The following HMGB1 variants were observed in gnomAD, a reference collection of about 807,000 sequenced individuals.
HMGB1 encodes the protein high mobility group box 1.
For missense variants in HMGB1, 79 were observed against 253.5 expected (o/e 0.31, Z 4.67); for synonymous variants, 81 against 84.0 (o/e 0.96, Z 0.19).
intron 1 of HMGB1, among the ~76,000 whole-genome samples, chr13:30,506,743 TG>T (rs1312506985): frequency 2.0e-5 from 3 of 152,164 alleles, no homozygotes; most frequent in Admixed American, 6.6e-5. Flanking sequence ...AAAGTGCCAG[TG>T]ACACACATCT....
intron 1 of HMGB1, among the ~76,000 whole-genome samples, chr13:30,507,943 G>T (rs1887905321): frequency 6.6e-6 from 1 of 152,158 alleles, no homozygotes; most frequent in South Asian, 2.1e-4. Context: ...GCTGCAGCGA[G>T]CTATGACGGC....
intron 1 of HMGB1, among the ~76,000 whole-genome samples, chr13:30,503,218 C>A (rs1261694501): frequency 6.6e-6 from 1 of 151,942 alleles, no homozygotes; most frequent in Non-Finnish European, 1.5e-5. Context: ...GTGCCACATG[C>A]CTGTAGTGCC....
intron 1 of HMGB1, among the ~76,000 whole-genome samples, chr13:30,560,862 A>G (rs1007291859): frequency 5.9e-5 from 9 of 152,128 alleles, no homozygotes; most frequent in African/African-American, 2.2e-4. Flanking sequence ...TGGGTTGAAG[A>G]GCGATGGACA....
chr13:30,549,484 G>A (rs564290176), intron 1 of HMGB1, among the ~76,000 whole-genome samples: 7 of 152,314 alleles, frequency 4.6e-5, no homozygotes, highest in African/African-American at 1.7e-4. Context: ...TTGGGCTCAA[G>A]TGGTCCTCCT....
chr13:30,496,411 CT>C (rs913392934), intron 1 of HMGB1, among the ~76,000 whole-genome samples: 3 of 152,230 alleles, frequency 2.0e-5, no homozygotes, highest in South Asian at 2.1e-4. Flanking sequence ...AGTTCTACCC[CT>C]GATAGCTATG....
At chr13:30,538,684 C>CTTTCCTTT (rs1467006811) in intron 1 of HMGB1, among the ~76,000 whole-genome samples, 7 of 9,796 alleles carry the variant, frequency 7.1e-4, no homozygotes, top group Admixed American at 1.4e-3. Flanking sequence ...TTCTTTCTTT[C>CTTTCCTTT]CTTTCTTTCT....
At chr13:30,477,772 A>G (rs1887131631) in intron 1 of HMGB1, among the ~76,000 whole-genome samples, 1 of 152,208 alleles carries the variant, frequency 6.6e-6, no homozygotes, top group Admixed American at 6.5e-5. Flanking sequence ...CAGGCTGGAA[A>G]TGCAGAAGTC....
intron 1 of HMGB1, among the ~76,000 whole-genome samples, chr13:30,571,496 A>G (rs147384798): frequency 0.019 from 2,827 of 152,174 alleles, 99 homozygotes; most frequent in African/African-American, 0.064. Flanking sequence ...GGGTTTCACC[A>G]TGCTGGCCAG....
At chr13:30,602,765 A>G (rs1442591455) in intron 1 of HMGB1, among the ~76,000 whole-genome samples, 1 of 152,184 alleles carries the variant, frequency 6.6e-6, no homozygotes, top group Non-Finnish European at 1.5e-5. Context: ...CTCAAGAACA[A>G]ATGACCTTAC....
At chr13:30,592,888 C>T (rs59717347) in intron 1 of HMGB1, among the ~76,000 whole-genome samples, 7,805 of 144,342 alleles carry the variant, frequency 0.054, 525 homozygotes, top group African/African-American at 0.16. Flanking sequence ...AAAAAAAAAG[C>T]GAATCCCTGG....
chr13:30,578,093 G>C (rs1290644186), intron 1 of HMGB1, among the ~76,000 whole-genome samples: 1 of 151,978 alleles, frequency 6.6e-6, no homozygotes, highest in Admixed American at 6.6e-5. Flanking sequence ...CTGACCCTCA[G>C]GCAGACTCTC....
At chr13:30,543,782 A>T (rs752472050) in intron 1 of HMGB1, among the ~76,000 whole-genome samples, 3 of 152,140 alleles carry the variant, frequency 2.0e-5, no homozygotes, top group Non-Finnish European at 4.4e-5. Context: ...ATGATTTCTG[A>T]TTTATTTCCC....
chr13:30,588,064 A>G (rs1871227113), intron 1 of HMGB1, among the ~76,000 whole-genome samples: 1 of 152,248 alleles, frequency 6.6e-6, no homozygotes, highest in Non-Finnish European at 1.5e-5. Flanking sequence ...CTGCCAGTCT[A>G]TTTATCATAT....
At chr13:30,562,124 C>T (rs1032583100) in intron 1 of HMGB1, among the ~76,000 whole-genome samples, 1 of 152,042 alleles carries the variant, frequency 6.6e-6, no homozygotes, top group Non-Finnish European at 1.5e-5. Flanking sequence ...GAGTTCATGA[C>T]TGGCCTGGTC....
At chr13:30,569,556 C>A (rs975279941) in intron 1 of HMGB1, among the ~76,000 whole-genome samples, 57 of 152,096 alleles carry the variant, frequency 3.7e-4, no homozygotes, top group African/African-American at 1.3e-3. Context: ...AGGCATTATC[C>A]CCATTTTATA....
intron 1 of HMGB1, chr13:30,464,532 G>C (rs1230451357): frequency 1.0e-6 from 1 of 984,642 alleles, no homozygotes; most frequent in Admixed American, 6.2e-5. Context: ...ACGCGGCCCG[G>C]CTCCCAGGCC....
chr13:30,603,573 A>C (rs1950424455), intron 1 of HMGB1, among the ~76,000 whole-genome samples: 1 of 152,210 alleles, frequency 6.6e-6, no homozygotes, highest in African/African-American at 2.4e-5. Flanking sequence ...TTTACTAAAA[A>C]GTCATCCCTC....
chr13:30,556,580 A>G (rs1869701447), intron 1 of HMGB1, among the ~76,000 whole-genome samples: 1 of 152,226 alleles, frequency 6.6e-6, no homozygotes, highest in South Asian at 2.1e-4. Flanking sequence ...TTCAGCCATA[A>G]AAAAGAGTGA....
intron 1 of HMGB1, among the ~76,000 whole-genome samples, chr13:30,486,864 G>A (rs1887376102): frequency 6.6e-6 from 1 of 152,172 alleles, no homozygotes; most frequent in Non-Finnish European, 1.5e-5. Flanking sequence ...TGGGAAGAAA[G>A]GGAAGCTGCT....
Sources: gnomAD v4.1 joint callset for allele counts (sites outside exome capture counted in the v4.1 genomes callset) on GRCh38, gnomAD v4.1.1 for gene constraint, MANE v1.5 for transcripts, NCBI Gene and HGNC (gene_info 2026-07-23, HGNC 2026-07-21) for gene names.